Variants in DNAH5 observed in about 807,000 individuals in gnomAD.
DNAH5 encodes axonemal beta dynein heavy chain 5.
DNAH5 carries 372 observed loss-of-function variants against 518.2 expected under a neutral mutation model. That is an observed-to-expected ratio of 0.72 (90% CI 0.66 to 0.78). The LOEUF (loss-of-function observed/expected upper bound fraction) is 0.78, where lower values mean the gene tolerates loss of function less well. DNAH5 is among the 30% of genes least tolerant of loss of function. The pLI, the probability that DNAH5 is intolerant of heterozygous loss-of-function variation, is 0.00. For missense variants in DNAH5, 5,523 were observed against 5,687.0 expected (o/e 0.97, Z 0.93); for synonymous variants, 2,039 against 2,025.9 (o/e 1.01, Z -0.17).
At chr5:13,887,114 T>G (rs1324101182) in intron 17 of DNAH5, among the ~76,000 whole-genome samples, 1 of 152,228 alleles carries the variant, frequency 6.6e-6, no homozygotes, top group Non-Finnish European at 1.5e-5. Flanking sequence ...GACTCTACCT[T>G]GGAGAGAAAC....
chr5:13,822,533 G>A (rs1762360059), intron 40 of DNAH5, among the ~76,000 whole-genome samples: 1 of 152,186 alleles, frequency 6.6e-6, no homozygotes, highest in South Asian at 2.1e-4. Flanking sequence ...TTACAGGCAT[G>A]AGCCACCACA....
intron 3 of DNAH5, among the ~76,000 whole-genome samples, chr5:13,924,848 G>A (rs1777695816): frequency 6.6e-6 from 1 of 152,148 alleles, no homozygotes; most frequent in Admixed American, 6.5e-5. Flanking sequence ...GGCTCATTGA[G>A]TAGATAATTT....
At chr5:13,917,088 AGCT>A in intron 8 of DNAH5, 52 bp downstream of exon 8, 1 of 1,313,208 alleles carries the variant, frequency 7.6e-7, no homozygotes, top group South Asian at 1.2e-5. Flanking sequence ...TATTCAATTC[AGCT>A]AGTGCAAAAA....
rs899105256 is a variant in DNAH5 at position 13,790,465 on chromosome 5, C to T, written c.8448+1529G>A. 2.0e-5 allele frequency among the ~76,000 whole-genome samples: 3 copies of T among 152,276 alleles called. No homozygotes were observed. In the South Asian group the frequency reaches 6.2e-4, roughly 32 times the overall value. On this transcript the variant is annotated intron_variant, in intron 50 of 78. Coordinates refer to ENST00000265104, the MANE Select transcript of DNAH5 (RefSeq NM_001369.3). The stretch of plus-strand genomic sequence containing the variant: ...TGCAGGAATAGAAAACCAAATACTG[C>T]ATGATATGTCCCCACCCAAATCTCA...
At chr5:13,758,429 A>G (rs1751313206) in intron 61 of DNAH5, among the ~76,000 whole-genome samples, 1 of 152,184 alleles carries the variant, frequency 6.6e-6, no homozygotes, top group Admixed American at 6.5e-5. Flanking sequence ...CAGGAATTCA[A>G]GGCTGCAGTG....
At chr5:13,863,058 T>G (rs7725395) in intron 28 of DNAH5, among the ~76,000 whole-genome samples, 59,979 of 151,854 alleles carry the variant, frequency 0.39, 12,210 homozygotes, top group South Asian at 0.47. Flanking sequence ...ATTTTGAAAC[T>G]TTAATCACTG....
In DNAH5 at chr5:13,864,594, A is replaced by G. The variant is rs1768951629; in HGVS notation, c.4399T>C (p.Leu1467=). The change falls in exon 28 of 79, where the codon TTG becomes CTG. Residue 1467 remains leucine (L), a synonymous_variant. Transcript: ENST00000265104. ...PRALKDWQAF[L]DLKKIIDDFS... ...TCATCAATGATCTTCTTCAGGTCCAAAAAAGCCTGCCAGTCCTTCAAGGCC... is the reference window on the plus strand; with the variant it reads ...TCATCAATGATCTTCTTCAGGTCCAGAAAAGCCTGCCAGTCCTTCAAGGCC... 2 of 1,614,032 alleles carry G rather than the reference A, an allele frequency of 1.2e-6. No homozygotes were observed. The highest frequency in any genetic ancestry group is 2.2e-5 in the East Asian group (1 of 44,890).
Position 13,700,623 on chromosome 5 carries a change from G to C in DNAH5, c.13723+17C>G, listed in dbSNP as rs1394380565. On this transcript the variant is annotated intron_variant, in intron 78 of 78. Coordinates refer to ENST00000265104, the MANE Select transcript of DNAH5 (RefSeq NM_001369.3). ...ACGAACAATGCGAGCCCTTACTGAA[G>C]GTACAAGACAACTTACTATTGTTTT... The C allele has an allele frequency of 1.2e-6, 2 of 1,605,932 alleles. No individual in the cohort carries two copies. Among genetic ancestry groups the C allele is most frequent in the Admixed American group, 3.3e-5 (2 of 59,978 alleles).
At chr5:13,771,020 T>C in intron 55 of DNAH5, 40 bp from the exon 56 acceptor site, 1 of 1,486,402 alleles carries the variant, frequency 6.7e-7, no homozygotes, top group Non-Finnish European at 9.4e-7. Flanking sequence ...AATATGTATG[T>C]AAGTTACCCT....
At chr5:13,819,981 A>C (rs932450341) in intron 41 of DNAH5, among the ~76,000 whole-genome samples, 1 of 152,098 alleles carries the variant, frequency 6.6e-6, no homozygotes, top group Admixed American at 6.6e-5. Flanking sequence ...GCGCGCCCTG[A>C]CCTTAACTCT....
intron 78 of DNAH5, among the ~76,000 whole-genome samples, chr5:13,693,017 C>G (rs757289756): frequency 3.3e-5 from 5 of 152,154 alleles, no homozygotes; most frequent in Non-Finnish European, 5.9e-5. Context: ...GCCTCATTAG[C>G]TTCTTATGAA....
chr5:13,913,748 A>G lies in DNAH5; in HGVS notation c.1531T>C (p.Tyr511His). The change falls in exon 11 of 79, where the codon TAC (tyrosine) becomes CAC (histidine). Residue 511 changes from tyrosine (Y) to histidine (H), a missense_variant. Tyr to His is a moderately conservative substitution (Grantham distance 83). Around this residue, in one of 3 missense-constraint regions of DNAH5, gnomAD observed 5,121 missense variants for 5,223.3 expected, o/e 0.98. Transcript: ENST00000265104. ...ATAGCTTTAAAGTACAATACCTGGTATTTAGTGGCCATGTCTTCCAGCCCT... is the reference window on the plus strand; with the variant it reads ...ATAGCTTTAAAGTACAATACCTGGTGTTTAGTGGCCATGTCTTCCAGCCCT... ...IEGLEDMATK[Y>H]QGIVATIKKK... is the part of the protein sequence containing the mutation. The G allele has an allele frequency of 1.9e-6, 3 of 1,613,348 alleles. No individual in the cohort carries two copies. Among genetic ancestry groups the G allele is most frequent in the Non-Finnish European group, 2.5e-6 (3 of 1,179,372 alleles).
rs187546466 is a variant in DNAH5 at position 13,800,810 on chromosome 5, C to T, written c.7888-6752G>A. On this transcript the variant is annotated intron_variant, in intron 47 of 78. Coordinates refer to ENST00000265104, the MANE Select transcript of DNAH5 (RefSeq NM_001369.3). The stretch of plus-strand genomic sequence containing the variant: ...ATCTCTTTGATTGGTGTTCCCACCT[C>T]ATCCACTGTTTTGCTGTTATGAACT... Among the ~76,000 whole-genome samples the T allele has an allele frequency of 3.7e-4, 57 of 152,302 alleles. 1 individual carries two copies. The East Asian group carries it at 8.9e-3, about 24-fold the overall frequency.
chr5:14,011,793 G>C (rs1373079356), exon 1 of DNAH5, among the ~76,000 whole-genome samples: 1 of 152,188 alleles, frequency 6.6e-6, no homozygotes, highest in East Asian at 1.9e-4. Context: ...CCGGCTGTTT[G>C]CTGCTCCTGC....
chr5:13,692,541 A>C (rs1031342006), intron 78 of DNAH5, among the ~76,000 whole-genome samples: 1 of 152,150 alleles, frequency 6.6e-6, no homozygotes, highest in East Asian at 1.9e-4. Flanking sequence ...TTACTTTATT[A>C]TTTCAAAATC....
chr5:13,727,673 A>T lies in DNAH5; in HGVS notation c.11884-17T>A, dbSNP rs199887655. 6.3e-5 allele frequency: 102 copies of T among 1,613,646 alleles called. No individual in the cohort carries two copies. Among genetic ancestry groups the T allele is most frequent in the Non-Finnish European group, 8.5e-5 (100 of 1,179,630 alleles). Reference sequence around the variant, plus strand: ...TCTCGATATCTGAAAATACCATGGGATAAAAACTGTGTCATGCCACCCAAC... The same window carrying T: ...TCTCGATATCTGAAAATACCATGGGTTAAAAACTGTGTCATGCCACCCAAC... On this transcript the variant is annotated splice_polypyrimidine_tract_variant and intron_variant, in intron 69 of 78. Coordinates refer to ENST00000265104, the MANE Select transcript of DNAH5 (RefSeq NM_001369.3).
At chr5:13,866,140 T>C in intron 26 of DNAH5, 80 bp downstream of exon 26, 3 of 1,375,792 alleles carry the variant, frequency 2.2e-6, no homozygotes, top group Non-Finnish European at 1.0e-6. Flanking sequence ...CCCTCTATCT[T>C]ACAAAGAAGA....
At chr5:13,959,947 A>G (rs957546587) in intron 1 of DNAH5, among the ~76,000 whole-genome samples, 2 of 152,054 alleles carry the variant, frequency 1.3e-5, no homozygotes, top group Admixed American at 1.3e-4. Flanking sequence ...CAGCCTGGGC[A>G]ACAAGAGCTA....
chr5:14,000,641 A>C (rs1784288374), intron 1 of DNAH5, among the ~76,000 whole-genome samples: 1 of 152,024 alleles, frequency 6.6e-6, no homozygotes, highest in African/African-American at 2.4e-5. Flanking sequence ...AAGCCAAAAA[A>C]AAAAAATGGA....
Sources: gnomAD v4.1 joint callset for allele counts (sites outside exome capture counted in the v4.1 genomes callset) on GRCh38, gnomAD v4.1.1 for gene constraint, gnomAD v4.1.1 regional missense constraint, MANE v1.5 for transcripts, NCBI Gene and HGNC (gene_info 2026-07-23, HGNC 2026-07-21) for gene names.